PARVB: variants seen among roughly 807,000 people sequenced by gnomAD.
The protein encoded by PARVB is beta-parvin.
A neutral mutation model predicts 47.0 loss-of-function variants in PARVB; 46 were observed. The ratio of observed to expected loss-of-function variants is 0.98; its 90% CI spans 0.77 to 1.25. The LOEUF is 1.25. PARVB is among the 50% of genes most tolerant of loss of function. PARVB has a pLI of 0.00. For missense variants in PARVB, 473 were observed against 471.6 expected, an observed-to-expected ratio of 1.00 and a Z score of -0.03; for synonymous variants, 196 against 196.3, an observed-to-expected ratio of 1.00 and a Z score of 0.01.
intron 3 of PARVB, chr22:44,114,467 GTTA>G (rs1466111830): frequency 1.3e-5 from 1 of 79,468 alleles, no homozygotes; most frequent in South Asian, 4.8e-4. Context: ...CAGATACATT[GTTA>G]CTAACTAAGG....
At chr22:44,087,654 T>C (rs899753006) in intron 1 of PARVB, among the ~76,000 whole-genome samples, 2 of 152,106 alleles carry the variant, frequency 1.3e-5, no homozygotes, top group Admixed American at 6.5e-5. Flanking sequence ...AAATCCTTTT[T>C]TGGGAAAGAG....
At chr22:44,106,972 G>C (rs1375884955) in intron 3 of PARVB, 1 of 152,256 alleles carries the variant, frequency 6.6e-6, no homozygotes, top group African/African-American at 2.4e-5. Context: ...TCAGATTAAA[G>C]TGGGAGAATA....
chr22:44,052,528 A>G (rs1263411457), intron 1 of PARVB, among the ~76,000 whole-genome samples: 1 of 152,178 alleles, frequency 6.6e-6, no homozygotes, highest in Non-Finnish European at 1.5e-5. Context: ...TCCAGAGAAT[A>G]TTTCAGCCTC....
At chr22:44,093,139 C>T (rs904123081) in intron 1 of PARVB, among the ~76,000 whole-genome samples, 2 of 152,140 alleles carry the variant, frequency 1.3e-5, no homozygotes, top group South Asian at 2.1e-4. Flanking sequence ...GTGGAGAAAG[C>T]GTGACATTAC....
At chr22:44,001,399 T>G (rs556734279) in intron 2 of PARVB, among the ~76,000 whole-genome samples, 1 of 152,356 alleles carries the variant, frequency 6.6e-6, no homozygotes, top group East Asian at 1.9e-4. Flanking sequence ...ATGCATTAAG[T>G]ACACCTAACC....
intron 3 of PARVB, among the ~76,000 whole-genome samples, chr22:44,101,486 A>G (rs982155054): frequency 7.9e-5 from 12 of 152,112 alleles, no homozygotes; most frequent in African/African-American, 2.7e-4. Context: ...GCAGTGGCTC[A>G]TGCCTGTAAT....
chr22:44,066,663 C>G (rs919644299), intron 1 of PARVB, among the ~76,000 whole-genome samples: 5 of 152,164 alleles, frequency 3.3e-5, no homozygotes. Context: ...GTCGACCACT[C>G]ACTGCCTCCG....
At chr22:44,064,695 AAAC>A (rs201184407) in intron 1 of PARVB, among the ~76,000 whole-genome samples, 7,042 of 152,242 alleles carry the variant, frequency 0.046, 208 homozygotes, top group Middle Eastern at 0.075. Flanking sequence ...ACAAAAACAA[AAAC>A]AAACAGTTGG....
chr22:44,040,775 G>A (rs986203662), intron 1 of PARVB, among the ~76,000 whole-genome samples: 7 of 151,978 alleles, frequency 4.6e-5, no homozygotes, highest in African/African-American at 1.7e-4. Flanking sequence ...CAGCACTTTG[G>A]GAGGCCGAGG....
At chr22:44,060,082 A>T (rs1006584008) in intron 1 of PARVB, among the ~76,000 whole-genome samples, 1 of 152,198 alleles carries the variant, frequency 6.6e-6, no homozygotes, top group African/African-American at 2.4e-5. Context: ...TGGAAGGCCA[A>T]GGCAGGTGGA....
rs1049077002 is a variant in PARVB at position 44,155,933 on chromosome 22, A to G, written c.844-2049A>G. On this transcript the variant is annotated intron_variant, in intron 10 of 12. Coordinates refer to ENST00000338758, the MANE Select transcript of PARVB (RefSeq NM_013327.5). The surrounding 1 kb of genome is among the most constrained non-coding windows in gnomAD (Gnocchi z 4.8). The stretch of plus-strand genomic sequence containing the variant: ...TTTGGGTGGCCGAGGTGGGTGGATC[A>G]TGAGGTCAGGAGTTCAAGACCAGCC... Among the ~76,000 whole-genome samples, 1 of 152,110 alleles carries G rather than the reference A, an allele frequency of 6.6e-6. No homozygotes were observed. Among genetic ancestry groups the G allele is most frequent in the Non-Finnish European group, 1.5e-5 (1 of 67,998 alleles).
At chr22:44,083,127 G>T (rs74610677) in intron 1 of PARVB, among the ~76,000 whole-genome samples, 75 of 152,242 alleles carry the variant, frequency 4.9e-4, no homozygotes, top group African/African-American at 1.7e-3. Flanking sequence ...GGTTCCTTGT[G>T]AAACACGACT....
chr22:44,038,829 C>T (rs925463309), intron 1 of PARVB, among the ~76,000 whole-genome samples: 7 of 152,166 alleles, frequency 4.6e-5, no homozygotes, highest in African/African-American at 1.2e-4. Flanking sequence ...GTCAAGCCAT[C>T]GAGTGGGAGA....
chr22:44,085,783 G>A (rs1219851460), intron 1 of PARVB, among the ~76,000 whole-genome samples: 3 of 152,312 alleles, frequency 2.0e-5, no homozygotes, highest in African/African-American at 7.2e-5. Context: ...CAAGGGCAGG[G>A]CCTGCCCAGC....
chr22:44,026,554 C>T (rs2050733279), intron 1 of PARVB, among the ~76,000 whole-genome samples: 1 of 152,198 alleles, frequency 6.6e-6, no homozygotes, highest in South Asian at 2.1e-4. Flanking sequence ...ATAATGAGGG[C>T]TTGAATAATT....
At chr22:44,110,965 A>G (rs904252392) in intron 3 of PARVB, 4 of 152,236 alleles carry the variant, frequency 2.6e-5, no homozygotes, top group Admixed American at 1.3e-4. Context: ...ATTAATTTGT[A>G]AAAATGATAC....
chr22:44,118,933 G>T, intron 3 of PARVB, 105 bp from the exon 4 acceptor site: 1 of 785,810 alleles, frequency 1.3e-6, no homozygotes, highest in Non-Finnish European at 2.3e-6. Context: ...TGGTCCCGGT[G>T]GTGGCTGCAG....
intron 1 of PARVB, among the ~76,000 whole-genome samples, chr22:44,050,887 A>G (rs553251015): frequency 2.5e-4 from 38 of 152,352 alleles, no homozygotes; most frequent in Admixed American, 6.5e-4. Flanking sequence ...GCCCGTCACC[A>G]GGAGCTTGAA....
At chr22:44,033,805 A>G (rs1391980726) in intron 1 of PARVB, among the ~76,000 whole-genome samples, 2 of 152,172 alleles carry the variant, frequency 1.3e-5, no homozygotes, top group African/African-American at 2.4e-5. Flanking sequence ...GGGAGTGAAA[A>G]TGTTAGCACT....
Sources: gnomAD v4.1 joint callset for allele counts (sites outside exome capture counted in the v4.1 genomes callset) on GRCh38, gnomAD v4.1.1 for gene constraint, Gnocchi (gnomAD v3.1) non-coding constraint, MANE v1.5 for transcripts, NCBI Gene and HGNC (gene_info 2026-07-23, HGNC 2026-07-21) for gene names.